The following TBCK variants were observed in gnomAD, a reference collection of about 807,000 sequenced individuals.
TBCK encodes TBC domain-containing protein kinase-like protein.
Under a neutral mutation model 113.4 loss-of-function variants are expected in TBCK, and 99 were observed. The observed-to-expected ratio is 0.87, with a 90% CI of 0.74 to 1.03. The LOEUF is 1.03. Among genes scored for constraint, TBCK ranks in the 50% least tolerant of loss-of-function variants. The probability of loss-of-function intolerance (pLI) is 0.00; values close to 1 mark genes in which losing one functional copy is unlikely to be tolerated. For synonymous variants in TBCK, 369 were observed against 370.8 expected (o/e 1.00, Z 0.05); for missense variants, 1,045 against 1,061.3 (o/e 0.98, Z 0.21).
chr4:106,205,258 T>C (rs1280507081), intron 20 of TBCK, among the ~76,000 whole-genome samples: 6 of 152,156 alleles, frequency 3.9e-5, no homozygotes. Flanking sequence ...TATTCTATAA[T>C]GAAATGCTTC....
At chr4:106,216,699 AG>A (rs1360781158) in intron 19 of TBCK, among the ~76,000 whole-genome samples, 2 of 152,226 alleles carry the variant, frequency 1.3e-5, no homozygotes, top group Non-Finnish European at 2.9e-5. Flanking sequence ...GACCAATAAC[AG>A]GATCTGAGAT....
intron 3 of TBCK, among the ~76,000 whole-genome samples, chr4:106,274,158 C>T (rs1440672718): frequency 1.3e-5 from 2 of 152,164 alleles, no homozygotes; most frequent in Admixed American, 1.3e-4. Flanking sequence ...TGAGATACTA[C>T]TTCATACCCA....
At chr4:106,232,533 A>C (rs546978733) in intron 17 of TBCK, among the ~76,000 whole-genome samples, 2 of 152,082 alleles carry the variant, frequency 1.3e-5, no homozygotes, top group East Asian at 3.9e-4. Flanking sequence ...GACAATAAAT[A>C]AAATGAGGAC....
chr4:106,103,540 T>TTA (rs766291226), intron 24 of TBCK, among the ~76,000 whole-genome samples: 2 of 152,226 alleles, frequency 1.3e-5, no homozygotes, highest in Non-Finnish European at 2.9e-5. Flanking sequence ...CAATTACTAG[T>TTA]TATATGGCCT....
chr4:106,277,456 A>T (rs1251517393), intron 3 of TBCK, among the ~76,000 whole-genome samples: 1 of 152,206 alleles, frequency 6.6e-6, no homozygotes, highest in East Asian at 1.9e-4. Context: ...AAGTTCAACA[A>T]GAGAAAATTG....
intron 23 of TBCK, among the ~76,000 whole-genome samples, chr4:106,139,559 C>T (rs1330440950): frequency 1.4e-5 from 2 of 141,088 alleles, no homozygotes; most frequent in Non-Finnish European, 3.2e-5. Flanking sequence ...AATATAGCTA[C>T]AGAAGCATCA....
chr4:106,108,524 C>G (rs1431936787), intron 24 of TBCK, among the ~76,000 whole-genome samples: 1 of 152,134 alleles, frequency 6.6e-6, no homozygotes, highest in Non-Finnish European at 1.5e-5. Context: ...ATTAACTCAA[C>G]AGATCCAGAA....
intron 4 of TBCK, 55 bp from the exon 5 acceptor site, chr4:106,260,565 T>C (rs867829883): frequency 1.9e-6 from 1 of 532,364 alleles, no homozygotes; most frequent in Non-Finnish European, 3.1e-6. Flanking sequence ...ATTGGCAACA[T>C]ATAATTTATA....
chr4:106,153,174 T>C (rs1240319733), intron 23 of TBCK, among the ~76,000 whole-genome samples: 1 of 152,078 alleles, frequency 6.6e-6, no homozygotes, highest in Non-Finnish European at 1.5e-5. Flanking sequence ...TTGATGTTTT[T>C]CTTCTTTTTT....
At chr4:106,059,045 A>G (rs1187838638) in intron 25 of TBCK, among the ~76,000 whole-genome samples, 5 of 151,904 alleles carry the variant, frequency 3.3e-5, no homozygotes, top group East Asian at 1.9e-4. Flanking sequence ...ATAAAATACT[A>G]CTTCAAATAA....
intron 24 of TBCK, among the ~76,000 whole-genome samples, chr4:106,108,794 G>A (rs564574857): frequency 3.3e-5 from 5 of 152,172 alleles, no homozygotes; most frequent in South Asian, 2.1e-4. Flanking sequence ...AAGCTCATTC[G>A]AATAGGAAGG....
chr4:106,121,378 T>C lies in TBCK; in HGVS notation c.2236-5000A>G, dbSNP rs549216084. Among the ~76,000 whole-genome samples, 1,331 of 143,960 alleles carry C rather than the reference T, an allele frequency of 9.2e-3. 10 individuals are homozygous for C. The highest frequency in any genetic ancestry group is 0.015 in the Non-Finnish European group (1,016 of 65,578). 94.4% of individuals were successfully genotyped at this position (143,960 alleles called of 152,430 possible). The stretch of plus-strand genomic sequence containing the variant: ...GGAGCACCCAGATTCATAAAGCAAG[T>C]CCTGAGTGACCTACAAAGAGACTTA... On this transcript the variant is annotated intron_variant, in intron 23 of 25. Coordinates refer to ENST00000394708, the MANE Select transcript of TBCK (RefSeq NM_001163435.3).
At chr4:106,244,944 T>C (rs1760603616) in intron 10 of TBCK, among the ~76,000 whole-genome samples, 180 bp from the exon 11 acceptor site, 1 of 152,192 alleles carries the variant, frequency 6.6e-6, no homozygotes, top group East Asian at 1.9e-4. Context: ...AATAAAAAGT[T>C]GAACAGACTG....
intron 6 of TBCK, 41 bp downstream of exon 6, chr4:106,251,825 C>A (rs776146020): frequency 7.1e-7 from 1 of 1,413,086 alleles, no homozygotes. Flanking sequence ...CCAATAAATG[C>A]ACAATTTCCT....
intron 3 of TBCK, among the ~76,000 whole-genome samples, chr4:106,290,970 G>A (rs1765649946): frequency 6.6e-6 from 1 of 152,168 alleles, no homozygotes; most frequent in Non-Finnish European, 1.5e-5. Context: ...TGCATATACA[G>A]ATTAACATTA....
At chr4:106,148,005 G>A (rs889308484) in intron 23 of TBCK, among the ~76,000 whole-genome samples, 6 of 152,148 alleles carry the variant, frequency 3.9e-5, no homozygotes, top group Admixed American at 6.5e-5. Context: ...TTCTATGGTC[G>A]AGGCTGTAGG....
intron 25 of TBCK, among the ~76,000 whole-genome samples, chr4:106,082,046 G>C (rs1578839561): frequency 1.3e-5 from 2 of 152,218 alleles, no homozygotes; most frequent in East Asian, 3.8e-4. Context: ...GCAGTGTGGA[G>C]ATTTCTCAGA....
intron 3 of TBCK, among the ~76,000 whole-genome samples, chr4:106,277,967 A>G (rs1579484979): frequency 2.6e-5 from 4 of 152,322 alleles, no homozygotes; most frequent in Admixed American, 2.6e-4. Context: ...CATCAAAATA[A>G]TAAAGATGGG....
rs1380662969 is a variant in TBCK, at chr4:106,043,184, T to C, written c.*3386A>G. 2 of 152,196 alleles carry C rather than the reference T, an allele frequency of 1.3e-5. No homozygotes were observed. Among genetic ancestry groups the C allele is most frequent in the Non-Finnish European group, 2.9e-5 (2 of 68,040 alleles). 9.4% of individuals were successfully genotyped at this position (152,196 alleles called of 1,614,324 possible). ...TTGGTTAAGCATTAGTTATTTTTAA[T>C]ATGCTTTTTGAATCTAACATTTCTG... On this transcript the variant is annotated 3_prime_UTR_variant, in exon 26 of 26. Coordinates refer to ENST00000394708, the MANE Select transcript of TBCK (RefSeq NM_001163435.3).
Sources: allele counts gnomAD v4.1 joint callset (sites outside exome capture counted in the v4.1 genomes callset), GRCh38; gene constraint gnomAD v4.1.1; transcripts MANE v1.5; gene names NCBI Gene and HGNC (gene_info 2026-07-23, HGNC 2026-07-21).